PCDH15: variants seen among roughly 807,000 people sequenced by gnomAD.
PCDH15 encodes the protein protocadherin-15.
In PCDH15, 129 loss-of-function variants were observed where a neutral mutation model predicts 178.5. The ratio of observed to expected loss-of-function variants is 0.72; its 90% confidence interval spans 0.63 to 0.84. The LOEUF (loss-of-function observed/expected upper bound fraction) is 0.84, where lower values mean the gene tolerates loss of function less well. Ranked by LOEUF, PCDH15 falls within the 40% of genes least tolerant of loss-of-function variation. The pLI is 0.00. For missense variants in PCDH15, 2,230 were observed against 2,099.9 expected (o/e 1.06, Z -1.21); for synonymous variants, 800 against 732.0 (o/e 1.09, Z -1.50).
chr10:54,206,503 A>T (rs2050810026), intron 10 of PCDH15, among the ~76,000 whole-genome samples: 1 of 152,110 alleles, frequency 6.6e-6, no homozygotes, highest in Admixed American at 6.6e-5. Context: ...CAACCAGCAA[A>T]GCCATCTTAT....
At chr10:54,893,678 C>T (rs536557403) in intron 3 of PCDH15, among the ~76,000 whole-genome samples, 84 of 152,116 alleles carry the variant, frequency 5.5e-4, no homozygotes, top group African/African-American at 2.0e-3. Context: ...GGTATGTAAA[C>T]ATTCTCTATT....
chr10:55,389,404 T>C (rs1336599258), intron 2 of PCDH15, among the ~76,000 whole-genome samples: 2 of 152,150 alleles, frequency 1.3e-5, no homozygotes, highest in African/African-American at 2.4e-5. Flanking sequence ...AAAGTATGTC[T>C]CTGTTATAGT....
At chr10:54,004,280 T>C (rs1414488362) in intron 20 of PCDH15, among the ~76,000 whole-genome samples, 1 of 151,908 alleles carries the variant, frequency 6.6e-6, no homozygotes, top group African/African-American at 2.4e-5. Context: ...CTGGAAGTCT[T>C]AGCAAGAACA....
chr10:55,087,074 C>T (rs1027916428), intron 2 of PCDH15, among the ~76,000 whole-genome samples: 14 of 152,166 alleles, frequency 9.2e-5, no homozygotes, highest in African/African-American at 2.4e-4. Context: ...TAAGATATTG[C>T]TTGGTGCCCC....
At chr10:54,724,613 G>A (rs1942185582) in intron 1 of PCDH15, among the ~76,000 whole-genome samples, 1 of 151,134 alleles carries the variant, frequency 6.6e-6, no homozygotes, top group South Asian at 2.1e-4. Context: ...AATTTTGTAT[G>A]GTGCACCAGA....
intron 26 of PCDH15, among the ~76,000 whole-genome samples, chr10:53,898,514 C>G (rs2082119769): frequency 6.6e-6 from 1 of 152,096 alleles, no homozygotes; most frequent in Non-Finnish European, 1.5e-5. Flanking sequence ...TTCGTAGAAC[C>G]AGTTGTGACA....
chr10:54,167,644 G>A (rs1213200656), intron 13 of PCDH15, among the ~76,000 whole-genome samples: 2 of 151,714 alleles, frequency 1.3e-5, no homozygotes, highest in African/African-American at 2.4e-5. Flanking sequence ...CTGCTTTTCT[G>A]GGAGAGGGGC....
chr10:54,126,705 C>T (rs2042019928), intron 15 of PCDH15, among the ~76,000 whole-genome samples: 1 of 151,012 alleles, frequency 6.6e-6, no homozygotes. Context: ...ATATAATGGA[C>T]ACTTTGTTTA....
chr10:55,037,847 C>A (rs1591850699), intron 2 of PCDH15, among the ~76,000 whole-genome samples: 1 of 152,150 alleles, frequency 6.6e-6, no homozygotes, highest in African/African-American at 2.4e-5. Context: ...TATCTTTATT[C>A]TTATCATAGT....
intron 2 of PCDH15, among the ~76,000 whole-genome samples, chr10:54,622,055 C>T (rs1029647062): frequency 3.3e-5 from 5 of 149,298 alleles, no homozygotes; most frequent in African/African-American, 1.2e-4. Context: ...ACTAAATCAC[C>T]AGCTCTTCTT....
At chr10:55,098,953 CT>C (rs1300859521) in intron 2 of PCDH15, among the ~76,000 whole-genome samples, 2 of 118,164 alleles carry the variant, frequency 1.7e-5, no homozygotes, top group Non-Finnish European at 3.7e-5. Flanking sequence ...CTTTCTCTTT[CT>C]TTTGCCTATT....
At chr10:54,210,430 T>C (rs1270516415) in intron 10 of PCDH15, among the ~76,000 whole-genome samples, 1 of 152,036 alleles carries the variant, frequency 6.6e-6, no homozygotes, top group Non-Finnish European at 1.5e-5. Context: ...TAAATAAATG[T>C]TTTGCAATCT....
At chr10:54,080,418 T>C (rs779592129) in intron 16 of PCDH15, among the ~76,000 whole-genome samples, 30 of 152,184 alleles carry the variant, frequency 2.0e-4, no homozygotes, top group Non-Finnish European at 4.0e-4. Context: ...TCTGATATTG[T>C]ACACATTTTA....
chr10:54,574,070 T>C (rs1200980065), intron 2 of PCDH15, among the ~76,000 whole-genome samples: 1 of 152,084 alleles, frequency 6.6e-6, no homozygotes, highest in Non-Finnish European at 1.5e-5. Context: ...TTGCCATTGC[T>C]TTTGGTGTTT....
chr10:54,679,729 T>C (rs1591010693), intron 1 of PCDH15, among the ~76,000 whole-genome samples: 1 of 152,188 alleles, frequency 6.6e-6, no homozygotes, highest in Non-Finnish European at 1.5e-5. Context: ...ATACTTAGTC[T>C]AATTAGAAAA....
intron 23 of PCDH15, among the ~76,000 whole-genome samples, chr10:53,948,253 AC>A (rs1170812299): frequency 1.3e-5 from 2 of 152,090 alleles, no homozygotes; most frequent in East Asian, 3.9e-4. Context: ...ATATGGTCTT[AC>A]CTATGCTGGA....
intron 35 of PCDH15, among the ~76,000 whole-genome samples, 195 bp from the exon 36 acceptor site, chr10:53,811,814 G>T (rs1039517004): frequency 9.9e-5 from 15 of 151,986 alleles, no homozygotes; most frequent in African/African-American, 3.6e-4. Flanking sequence ...TTTTTTTCTG[G>T]CTGTAACCAT....
intron 1 of PCDH15, among the ~76,000 whole-genome samples, chr10:54,731,564 A>ATATATATATATATATATATATG (rs1491229343): frequency 0.039 from 1,681 of 42,914 alleles, 76 homozygotes; most frequent in South Asian, 0.068. Context: ...ATATATATAT[A>ATATATATATATATATATATATG]CACACACACA....
At chr10:54,643,648 G>C (rs1330998598) in intron 2 of PCDH15, among the ~76,000 whole-genome samples, 1 of 151,582 alleles carries the variant, frequency 6.6e-6, no homozygotes, top group Non-Finnish European at 1.5e-5. Context: ...TTCTCTGTTA[G>C]AGCAATATGT....
Sources: allele counts gnomAD v4.1 joint callset (sites outside exome capture counted in the v4.1 genomes callset), GRCh38; gene constraint gnomAD v4.1.1; transcripts MANE v1.5; gene names NCBI Gene and HGNC (gene_info 2026-07-23, HGNC 2026-07-21).